Variants in DMD observed in about 807,000 individuals in gnomAD.
DMD encodes the protein dystrophin.
In DMD, 63 loss-of-function variants were observed where a neutral mutation model predicts 330.1. That is an observed-to-expected ratio of 0.19 (90% CI 0.16 to 0.24). The LOEUF (loss-of-function observed/expected upper bound fraction) is 0.24. DMD is among the 10% of genes least tolerant of loss of function. The pLI is 1.00. For synonymous variants in DMD, 1,223 were observed against 959.8 expected, an observed-to-expected ratio of 1.27 and a Z score of -5.07; for missense variants, 3,344 against 2,684.1, an observed-to-expected ratio of 1.25 and a Z score of -5.43.
At position 32,076,086 on chromosome X, in the gene DMD, AAGAG is replaced by A. The variant is rs1569540031; in HGVS notation, c.6439-107576_6439-107573del. On this transcript the variant is annotated intron_variant, in intron 44 of 78. Transcript: ENST00000357033. ...AAAAAAAAAAAAAAAAAAAAAAAAAAAGAGAGAGAGAGAGAGAGAGAAGTTATTT... is the reference window on the plus strand; with the variant it reads ...AAAAAAAAAAAAAAAAAAAAAAAAAAAGAGAGAGAGAGAGAGAAGTTATTT... 7.7e-3 allele frequency among the ~76,000 whole-genome samples: 636 copies of A among 82,243 alleles called. 3 individuals are homozygous for A. The highest frequency in any genetic ancestry group is 8.7e-3 in the Non-Finnish European group (386 of 44,541). 71.4% of individuals were successfully genotyped at this position (82,243 alleles called of 115,157 possible).
chrX:32,796,772 C>T (rs1401958869), intron 7 of DMD, among the ~76,000 whole-genome samples: 2 of 111,701 alleles, frequency 1.8e-5, no homozygotes, highest in African/African-American at 6.5e-5. Context: ...GAGAATAAAT[C>T]TAAGAGGATA....
At chrX:32,264,822 T>C (rs777343873) in intron 43 of DMD, among the ~76,000 whole-genome samples, 2 of 111,800 alleles carry the variant, frequency 1.8e-5, no homozygotes, top group Non-Finnish European at 3.8e-5. Context: ...GTGGAAGGAA[T>C]TTCTAAACAG....
At chrX:33,029,026 A>C (rs1335555964) in intron 1 of DMD, among the ~76,000 whole-genome samples, 1 of 111,707 alleles carries the variant, frequency 9.0e-6, no homozygotes, top group Non-Finnish European at 1.9e-5. Context: ...TGAAGCAGAA[A>C]TAGGTACTTA....
At chrX:33,069,735 A>G (rs377237577) in intron 1 of DMD, among the ~76,000 whole-genome samples, 1 of 111,746 alleles carries the variant, frequency 8.9e-6, no homozygotes, top group East Asian at 2.8e-4. Flanking sequence ...ATTTTTTACC[A>G]TCATTTGAGA....
At chrX:31,633,963 T>C (rs1244795588) in intron 54 of DMD, among the ~76,000 whole-genome samples, 1 of 112,217 alleles carries the variant, frequency 8.9e-6, no homozygotes, top group Non-Finnish European at 1.9e-5. Flanking sequence ...GAAAAGAAGT[T>C]TTTGTAACTC....
In DMD at chrX:32,464,857, G is replaced by A. The variant is rs1438281603; in HGVS notation, c.3163-158C>T. Among the ~76,000 whole-genome samples, 3 of 111,939 alleles carry A rather than the reference G, an allele frequency of 2.7e-5. No individual in the cohort carries two copies. In the East Asian group the frequency reaches 8.5e-4, roughly 32 times the overall value. Reference sequence around the variant, plus strand: ...GGCAAAGAATATTTTTACTAAGACTGCATTTTTATGGTCTACTGTATGAGC... The same window carrying A: ...GGCAAAGAATATTTTTACTAAGACTACATTTTTATGGTCTACTGTATGAGC... On this transcript the variant is annotated intron_variant, in intron 23 of 78. Coordinates refer to ENST00000357033, the MANE Select transcript of DMD (RefSeq NM_004006.3).
intron 1 of DMD, among the ~76,000 whole-genome samples, chrX:33,239,496 C>T (rs1292323845): frequency 9.0e-6 from 1 of 110,580 alleles, no homozygotes; most frequent in Non-Finnish European, 1.9e-5. Context: ...TCCTTTATTA[C>T]TTTCAAAAAG....
chrX:32,463,403 G>C, intron 25 of DMD, 36 bp downstream of exon 25: 1 of 1,152,364 alleles, frequency 8.7e-7, no homozygotes, highest in African/African-American at 1.8e-5. Flanking sequence ...AGTTAAGTAC[G>C]TTGAGGCAAG....
intron 50 of DMD, among the ~76,000 whole-genome samples, chrX:31,786,676 C>T (rs1399557315): frequency 1.8e-5 from 2 of 111,572 alleles, no homozygotes; most frequent in African/African-American, 6.5e-5. Flanking sequence ...GTTGCATTGA[C>T]TCCAGAATAA....
chrX:33,248,730 G>A (rs2052713571), intron 1 of DMD, among the ~76,000 whole-genome samples: 1 of 111,860 alleles, frequency 8.9e-6, no homozygotes, highest in Non-Finnish European at 1.9e-5. Context: ...GAAAAGTATT[G>A]TTAGTAATTC....
intron 44 of DMD, among the ~76,000 whole-genome samples, chrX:32,073,127 G>T: frequency 8.9e-6 from 1 of 111,826 alleles, no homozygotes; most frequent in East Asian, 2.8e-4. Flanking sequence ...GGGATGAATT[G>T]GGATTTTTAA....
intron 44 of DMD, chrX:32,206,168 A>G (rs2147778082): frequency 1.9e-6 from 1 of 513,102 alleles, no homozygotes; most frequent in East Asian, 3.7e-5. Context: ...GCTTTGAAAT[A>G]ACACCATCAG....
intron 52 of DMD, among the ~76,000 whole-genome samples, chrX:31,728,138 T>G (rs2086207373): frequency 8.9e-6 from 1 of 112,048 alleles, no homozygotes; most frequent in South Asian, 3.7e-4. Flanking sequence ...TTCTCCTGCC[T>G]CAGCCTCCCA....
chrX:33,010,679 T>A (rs982806569), intron 2 of DMD, among the ~76,000 whole-genome samples: 1 of 111,454 alleles, frequency 9.0e-6, no homozygotes, highest in Non-Finnish European at 1.9e-5. Flanking sequence ...AGTTTTTGAG[T>A]ATAGTCCCCA....
At chrX:32,253,092 C>T (rs1394815021) in intron 43 of DMD, among the ~76,000 whole-genome samples, 2 of 104,476 alleles carry the variant, frequency 1.9e-5, no homozygotes, top group African/African-American at 3.5e-5. Flanking sequence ...TTTGAGATAT[C>T]ATGGTGAGAT....
At chrX:31,495,036 C>T (rs1019623119) in intron 57 of DMD, among the ~76,000 whole-genome samples, 1 of 111,438 alleles carries the variant, frequency 9.0e-6, no homozygotes, top group Non-Finnish European at 1.9e-5. Flanking sequence ...AAAGTCAGAA[C>T]ATTTAAAACA....
chrX:33,031,549 C>G (rs2094114265), intron 1 of DMD, among the ~76,000 whole-genome samples: 1 of 110,795 alleles, frequency 9.0e-6, no homozygotes, highest in Admixed American at 9.6e-5. Flanking sequence ...CAGGTGGACG[C>G]AGCATGAGGT....
At position 32,644,123 on chromosome X, in the gene DMD, A is replaced by G; in HGVS notation, c.1331+9T>C. 2 of 1,195,786 alleles carry G rather than the reference A, an allele frequency of 1.7e-6. No homozygotes were observed. The highest frequency in any genetic ancestry group is 2.3e-6 in the Non-Finnish European group (2 of 884,503). Reference sequence around the variant, plus strand: ...TAGTCTTCTTAATTAAAAACAAATAAGGACTTACTTGCTTTGTTTTTCCAT... The same window carrying G: ...TAGTCTTCTTAATTAAAAACAAATAGGGACTTACTTGCTTTGTTTTTCCAT... On this transcript the variant is annotated intron_variant, in intron 11 of 78. Coordinates refer to ENST00000357033, the MANE Select transcript of DMD (RefSeq NM_004006.3).
intron 63 of DMD, among the ~76,000 whole-genome samples, chrX:31,242,613 C>T (rs757608550): frequency 9.0e-6 from 1 of 110,892 alleles, no homozygotes; most frequent in East Asian, 2.8e-4. Flanking sequence ...CCCCAAAACA[C>T]AGTAACATCT....
Sources: allele counts gnomAD v4.1 joint callset (sites outside exome capture counted in the v4.1 genomes callset), GRCh38; gene constraint gnomAD v4.1.1; transcripts MANE v1.5; gene names NCBI Gene and HGNC (gene_info 2026-07-23, HGNC 2026-07-21).